ABCA9: variants seen among roughly 807,000 people sequenced by gnomAD.
The protein encoded by ABCA9 is ATP-binding cassette sub-family A member 9.
ABCA9 carries 183 observed loss-of-function variants against 205.3 expected under a neutral mutation model. That is an observed-to-expected ratio of 0.89 (90% confidence interval 0.79 to 1.01). The LOEUF (loss-of-function observed/expected upper bound fraction) is 1.01, where lower values mean the gene tolerates loss of function less well. ABCA9 is among the 50% of genes least tolerant of loss of function. The pLI, the probability that ABCA9 is intolerant of heterozygous loss-of-function variation, is 0.00. For synonymous variants in ABCA9, 651 were observed against 683.3 expected (o/e 0.95, Z 0.74); for missense variants, 1,805 against 1,912.4 (o/e 0.94, Z 1.05).
Position 69,023,074 on chromosome 17 carries a change from AT to A in ABCA9, c.2281+1139del, listed in dbSNP as rs1476751188. On this transcript the variant is annotated intron_variant, in intron 17 of 38. Transcript: ENST00000340001. This position sits in a 1 kb window ranked among gnomAD's most constrained non-coding sequence, Gnocchi z 4.2. ...TATTGTGTATGCACTGTGAACCATT[AT>A]TTCACTTATTCTAAGAGATATATTT... 2.4e-4 allele frequency: 36 copies of A among 152,288 alleles called. No individual in the cohort carries two copies. The highest frequency in any genetic ancestry group is 8.7e-4 in the African/African-American group (36 of 41,584). 9.4% of individuals were successfully genotyped at this position (152,288 alleles called of 1,614,324 possible).
At chr17:68,997,752 A>T (rs1444322811) in intron 25 of ABCA9, among the ~76,000 whole-genome samples, 2 of 152,066 alleles carry the variant, frequency 1.3e-5, no homozygotes, top group African/African-American at 4.8e-5. Context: ...AACATTCCCC[A>T]ACAAAGCAGT....
In ABCA9 at chr17:69,001,223, T is replaced by C. The variant is rs574288347; in HGVS notation, c.3436-5209A>G. Reference sequence around the variant, plus strand: ...AGTTTTCAAAGGGAATGCTTCCAGTTTTTGCCCATTCAGTATGATATTGGC... The same window carrying C: ...AGTTTTCAAAGGGAATGCTTCCAGTCTTTGCCCATTCAGTATGATATTGGC... On this transcript the variant is annotated intron_variant, in intron 25 of 38. Coordinates refer to ENST00000340001, the MANE Select transcript of ABCA9 (RefSeq NM_080283.4). Among the ~76,000 whole-genome samples the C allele has an allele frequency of 3.4e-3, 513 of 152,140 alleles. 1 individual carries two copies. The highest frequency in any genetic ancestry group is 5.3e-3 in the Non-Finnish European group (363 of 68,014).
chr17:69,068,184 T>C, the ABCA9 span, among the ~76,000 whole-genome samples: 1 of 152,238 alleles, frequency 6.6e-6, no homozygotes, highest in East Asian at 1.9e-4. Context: ...CAAAAATGTA[T>C]TTGGTCATCT....
the ABCA9 span, among the ~76,000 whole-genome samples, chr17:69,074,772 T>G: frequency 6.6e-6 from 1 of 152,214 alleles, no homozygotes; most frequent in Non-Finnish European, 1.5e-5. Context: ...CTAGTTTGTG[T>G]GCATTTTCCT....
Position 69,029,228 on chromosome 17 carries a change from C to A in ABCA9, c.1446-1G>T. On this transcript the variant is annotated splice_acceptor_variant, in intron 10 of 38. Transcript: ENST00000340001. LOFTEE classifies it high-confidence loss of function. ...ATATTCTTTTTTAAGATTTTTGATT[C>A]TGAAAAAAAGAGGGAAATGTTTTCA... The A allele has an allele frequency of 1.3e-6, 2 of 1,548,392 alleles. No individual in the cohort carries two copies. Among genetic ancestry groups the A allele is most frequent in the South Asian group, 1.2e-5 (1 of 85,544 alleles).
At chr17:69,060,144 TC>T (rs528284466) in intron 1 of ABCA9, among the ~76,000 whole-genome samples, 3 of 152,006 alleles carry the variant, frequency 2.0e-5, no homozygotes, top group Non-Finnish European at 4.4e-5. Flanking sequence ...GACTGATTTT[TC>T]CCCCCACTGA....
At chr17:69,001,248 C>T (rs2069854772) in intron 25 of ABCA9, among the ~76,000 whole-genome samples, 1 of 152,066 alleles carries the variant, frequency 6.6e-6, no homozygotes, top group South Asian at 2.1e-4. Context: ...ATGATATTGG[C>T]TGTGGGTTTG....
chr17:69,061,406 A>G (rs2072244345), upstream of ABCA9, among the ~76,000 whole-genome samples: 1 of 152,158 alleles, frequency 6.6e-6, no homozygotes, highest in Non-Finnish European at 1.5e-5. Flanking sequence ...TAAAACCTTC[A>G]ACAGATTCTT....
chr17:68,980,341 T>G (rs942052895), intron 37 of ABCA9, among the ~76,000 whole-genome samples: 3 of 152,180 alleles, frequency 2.0e-5, no homozygotes, highest in African/African-American at 7.2e-5. Flanking sequence ...TTGGTGGGAC[T>G]GTAAACTAGT....
intron 17 of ABCA9, among the ~76,000 whole-genome samples, chr17:69,022,878 G>A (rs2070868899): frequency 6.6e-6 from 1 of 152,158 alleles, no homozygotes; most frequent in Admixed American, 6.6e-5. Context: ...AAATAGAGAT[G>A]TAGTCAAAAT....
intron 5 of ABCA9, among the ~76,000 whole-genome samples, 170 bp downstream of exon 5, chr17:69,044,327 C>T (rs2071641117): frequency 6.6e-6 from 1 of 152,182 alleles, no homozygotes; most frequent in South Asian, 2.1e-4. Context: ...CTGTGTTCTA[C>T]TTATTTTCTG....
chr17:68,991,613 A>T (rs2069457652), intron 28 of ABCA9, among the ~76,000 whole-genome samples: 1 of 152,140 alleles, frequency 6.6e-6, no homozygotes, highest in South Asian at 2.1e-4. Flanking sequence ...CTCTGCTACC[A>T]CAAACATTAG....
chr17:69,061,325 A>T (rs1005027559), upstream of ABCA9, among the ~76,000 whole-genome samples: 2 of 151,788 alleles, frequency 1.3e-5, no homozygotes, highest in African/African-American at 4.8e-5. Context: ...AAAAATACAT[A>T]AATATATATG....
At chr17:69,051,851 TC>T (rs1221107140) in intron 1 of ABCA9, 1 of 152,148 alleles carries the variant, frequency 6.6e-6, no homozygotes, top group Non-Finnish European at 1.5e-5. Flanking sequence ...ATACACATTT[TC>T]CAAAAATATT....
rs999648265 is a variant in ABCA9 at position 69,054,847 on chromosome 17, A to T, written c.-13-3708T>A. ...TTATTTTGTTATTATAAGATACGCT[A>T]CCAATTAAGTGGTATAGTGTTATTC... On this transcript the variant is annotated intron_variant, in intron 1 of 38. Transcript: ENST00000340001. Among the ~76,000 whole-genome samples the T allele has an allele frequency of 2.6e-5, 4 of 152,072 alleles. No individual in the cohort carries two copies. In the East Asian group the frequency reaches 7.7e-4, roughly 29 times the overall value.
At chr17:68,991,032 T>C (rs1187217279) in intron 28 of ABCA9, 75 bp from the exon 29 acceptor site, 8 of 1,519,012 alleles carry the variant, frequency 5.3e-6, no homozygotes, top group South Asian at 3.8e-5. Context: ...ATTTTCTCTA[T>C]ACTTCCAATT....
At chr17:69,071,211 T>C in the ABCA9 span, among the ~76,000 whole-genome samples, 1 of 152,196 alleles carries the variant, frequency 6.6e-6, no homozygotes, top group Non-Finnish European at 1.5e-5. Flanking sequence ...AAGAGAGCAG[T>C]GGATCTCTCA....
intron 22 of ABCA9, 36 bp downstream of exon 22, chr17:69,016,214 TATC>T (rs1171258775): frequency 2.1e-6 from 3 of 1,420,952 alleles, no homozygotes; most frequent in Middle Eastern, 2.1e-4. Context: ...CTTGAAAACT[TATC>T]ATGGCACAGT....
intron 37 of ABCA9, among the ~76,000 whole-genome samples, chr17:68,981,974 A>G (rs1043723092): frequency 2.6e-5 from 4 of 152,054 alleles, no homozygotes; most frequent in African/African-American, 9.7e-5. Context: ...CTAACATGAC[A>G]GGGAAAAACC....
Sources: gnomAD v4.1 joint callset for allele counts (sites outside exome capture counted in the v4.1 genomes callset) on GRCh38, gnomAD v4.1.1 for gene constraint, Gnocchi (gnomAD v3.1) non-coding constraint, MANE v1.5 for transcripts, NCBI Gene and HGNC (gene_info 2026-07-23, HGNC 2026-07-21) for gene names.